MTAP: variants seen among roughly 807,000 people sequenced by gnomAD.
The protein encoded by MTAP is S-methyl-5'-thioadenosine phosphorylase.
MTAP carries 33 observed loss-of-function variants against 33.6 expected under a neutral mutation model. That is an observed-to-expected ratio of 0.98 (90% CI 0.74 to 1.31). MTAP has a LOEUF of 1.31. Ranked by LOEUF, MTAP falls within the 40% of genes most tolerant of loss-of-function variation. The probability of loss-of-function intolerance (pLI) is 0.00; values close to 1 mark genes in which losing one functional copy is unlikely to be tolerated. For synonymous variants in MTAP, 148 were observed against 125.7 expected (o/e 1.18, Z -1.19); for missense variants, 367 against 360.0 (o/e 1.02, Z -0.16).
intron 1 of MTAP, among the ~76,000 whole-genome samples, chr9:21,873,483 G>T (rs1244539540): frequency 6.6e-6 from 1 of 152,066 alleles, no homozygotes; most frequent in Non-Finnish European, 1.5e-5. Flanking sequence ...TATAAATAAG[G>T]CCCGAGGGAG....
At chr9:21,813,969 T>G (rs1824414398) in intron 1 of MTAP, 1 of 152,256 alleles carries the variant, frequency 6.6e-6, no homozygotes, top group Admixed American at 6.5e-5. Flanking sequence ...ATTTGAAAGC[T>G]ATAATACTGG....
At chr9:21,822,550 C>T (rs1252469792) in intron 4 of MTAP, among the ~76,000 whole-genome samples, 1 of 152,064 alleles carries the variant, frequency 6.6e-6, no homozygotes, top group African/African-American at 2.4e-5. Context: ...TTACTTCCAA[C>T]TATGTGGTCA....
At chr9:21,891,030 C>G (rs1818193215) in intron 1 of MTAP, among the ~76,000 whole-genome samples, 1 of 152,004 alleles carries the variant, frequency 6.6e-6, no homozygotes, top group African/African-American at 2.4e-5. Flanking sequence ...TGTTGCTGGT[C>G]TAGGAACCGT....
At chr9:21,854,571 T>C (rs1430899306) in intron 5 of MTAP, 60 bp from the exon 6 acceptor site, 27 of 1,472,524 alleles carry the variant, frequency 1.8e-5, no homozygotes, top group Non-Finnish European at 2.3e-5. Flanking sequence ...TGGGGGGAAG[T>C]GCAGCCTTAA....
chr9:21,884,726 A>G (rs1270581967), intron 1 of MTAP, among the ~76,000 whole-genome samples: 4 of 152,140 alleles, frequency 2.6e-5, no homozygotes, highest in East Asian at 1.9e-4. Context: ...CCATGACCTC[A>G]TCTAAACCTT....
chr9:21,814,330 T>A (rs1824425351), intron 1 of MTAP, among the ~76,000 whole-genome samples: 1 of 152,204 alleles, frequency 6.6e-6, no homozygotes, highest in Non-Finnish European at 1.5e-5. Context: ...GTTCACTGAA[T>A]TCTTAATCCT....
chr9:21,871,595 T>C (rs75421780), downstream of MTAP, among the ~76,000 whole-genome samples: 2,885 of 152,314 alleles, frequency 0.019, 94 homozygotes, highest in African/African-American at 0.064. Flanking sequence ...AGATACTGTG[T>C]ATGTCTATAT....
chr9:21,914,902 G>A (rs901747382), intron 1 of MTAP, among the ~76,000 whole-genome samples: 2 of 151,232 alleles, frequency 1.3e-5, no homozygotes, highest in Non-Finnish European at 2.9e-5. Context: ...TATGAAAAGA[G>A]TCATATAATA....
intron 4 of MTAP, among the ~76,000 whole-genome samples, chr9:21,826,648 AT>A (rs1443688481): frequency 1.4e-5 from 2 of 138,650 alleles, no homozygotes; most frequent in East Asian, 4.3e-4. Flanking sequence ...TATTATTATT[AT>A]TTAACTGCAC....
intron 1 of MTAP, among the ~76,000 whole-genome samples, chr9:21,894,395 C>G (rs144265460): frequency 1.3e-5 from 2 of 152,048 alleles, no homozygotes; most frequent in African/African-American, 4.8e-5. Flanking sequence ...TACTGGACGT[C>G]CTAGCCAGAG....
chr9:21,841,000 A>G (rs974261280), intron 5 of MTAP, among the ~76,000 whole-genome samples: 2 of 152,078 alleles, frequency 1.3e-5, no homozygotes, highest in African/African-American at 2.4e-5. Flanking sequence ...AAAGTTTATG[A>G]TACAGCAGAG....
intron 1 of MTAP, among the ~76,000 whole-genome samples, chr9:21,914,097 G>T (rs1818632936): frequency 6.6e-6 from 1 of 152,180 alleles, no homozygotes; most frequent in Non-Finnish European, 1.5e-5. Flanking sequence ...TCTCACACCA[G>T]TTAGAATGGC....
In MTAP at chr9:21,859,216, G is replaced by GTT. The variant is rs1297505288; in HGVS notation, c.691-86_691-85insTT. On this transcript the variant is annotated intron_variant, in intron 6 of 7. Transcript: ENST00000644715. ...TTGAGGGGACACAAACATTTAGGCT[G>GTT]TAGCAAGGCTGGAGCTCAGAAAAAT... The GTT allele has an allele frequency of 7.3e-6, 11 of 1,517,138 alleles. No homozygotes were observed. The Admixed American group carries it at 2.4e-4, about 33-fold the overall frequency. The allele number at this position is 1,517,138 out of a possible 1,614,324, so 94.0% of individuals were successfully genotyped here.
chr9:21,938,260 C>T (rs561865594), downstream of MTAP, among the ~76,000 whole-genome samples: 849 of 144,718 alleles, frequency 5.9e-3, 1 homozygote, highest in Non-Finnish European at 0.01. Context: ...GGCAACAGAG[C>T]GAGAGTCCTT....
At chr9:21,928,158 C>T (rs1818898606) in intron 1 of MTAP, among the ~76,000 whole-genome samples, 1 of 152,174 alleles carries the variant, frequency 6.6e-6, no homozygotes, top group African/African-American at 2.4e-5. Flanking sequence ...ATGGATGGTA[C>T]ATGTTGGGAG....
At chr9:21,931,458 G>T, downstream of MTAP, 1 of 334,266 alleles carries the variant, frequency 3.0e-6, no homozygotes, top group Non-Finnish European at 5.4e-6. Context: ...GCAACTGGCA[G>T]CAGGGAAAGA....
intron 1 of MTAP, chr9:21,811,969 G>A: frequency 6.2e-6 from 2 of 324,708 alleles, no homozygotes; most frequent in Non-Finnish European, 1.2e-5. Flanking sequence ...TTAAGCATGT[G>A]CATGTCCACC....
chr9:21,935,263 AAT>A (rs1819023543), downstream of MTAP: 1 of 152,208 alleles, frequency 6.6e-6, no homozygotes, highest in African/African-American at 2.4e-5. Flanking sequence ...ATTATTTTTT[AAT>A]ACGGGTACTT....
chr9:21,908,575 CAT>C (rs1030643171), intron 1 of MTAP, among the ~76,000 whole-genome samples: 14 of 152,142 alleles, frequency 9.2e-5, no homozygotes, highest in Middle Eastern at 3.4e-3. Flanking sequence ...TATAGTAGAT[CAT>C]GTTTTTAAAT....
Sources: gnomAD v4.1 joint callset for allele counts (sites outside exome capture counted in the v4.1 genomes callset) on GRCh38, gnomAD v4.1.1 for gene constraint, MANE v1.5 for transcripts, NCBI Gene and HGNC (gene_info 2026-07-23, HGNC 2026-07-21) for gene names.